DTNA: variants seen among roughly 807,000 people sequenced by gnomAD.
The protein encoded by DTNA is dystrophin-related protein 3.
In DTNA, 43 loss-of-function variants were observed where a neutral mutation model predicts 100.7. The ratio of observed to expected loss-of-function variants is 0.43; its 90% confidence interval spans 0.33 to 0.55. The LOEUF is 0.55. Ranked by LOEUF, DTNA falls within the 20% of genes least tolerant of loss-of-function variation. DTNA has a pLI of 0.04. For synonymous variants in DTNA, 349 were observed against 347.9 expected, an observed-to-expected ratio of 1.00 and a Z score of -0.04; for missense variants, 798 against 953.9, an observed-to-expected ratio of 0.84 and a Z score of 2.15.
At chr18:34,714,935 C>T (rs1270096351) in intron 1 of DTNA, among the ~76,000 whole-genome samples, 3 of 151,856 alleles carry the variant, frequency 2.0e-5, no homozygotes, top group Admixed American at 6.6e-5. Context: ...GAAATCATCA[C>T]TCTCAGTAAA....
At chr18:34,570,065 A>G (rs1158823512) in intron 1 of DTNA, among the ~76,000 whole-genome samples, 1 of 152,148 alleles carries the variant, frequency 6.6e-6, no homozygotes, top group Non-Finnish European at 1.5e-5. Flanking sequence ...GTCTTCTCTC[A>G]AGGAGACCTT....
chr18:34,770,095 TCC>T (rs1226382883), intron 3 of DTNA, among the ~76,000 whole-genome samples: 1 of 152,006 alleles, frequency 6.6e-6, no homozygotes, highest in Non-Finnish European at 1.5e-5. Context: ...CTGCTAAAAG[TCC>T]CCACCTGGTA....
intron 3 of DTNA, among the ~76,000 whole-genome samples, chr18:34,769,198 C>G (rs1178931501): frequency 6.6e-6 from 1 of 152,124 alleles, no homozygotes; most frequent in African/African-American, 2.4e-5. Context: ...TATGTCTTTG[C>G]AAAGTTTTCC....
chr18:34,856,031 T>A (rs1227730811), intron 15 of DTNA, among the ~76,000 whole-genome samples: 1 of 152,210 alleles, frequency 6.6e-6, no homozygotes, highest in Non-Finnish European at 1.5e-5. Context: ...CTCTTGCTGC[T>A]TGTTTCCTGG....
intron 1 of DTNA, among the ~76,000 whole-genome samples, chr18:34,538,644 T>A (rs751551019): frequency 2.0e-5 from 3 of 151,966 alleles, no homozygotes; most frequent in Non-Finnish European, 4.4e-5. Context: ...GTTGGGAGGG[T>A]TAAATTTGGT....
At chr18:34,746,193 G>T (rs1024858203) in intron 1 of DTNA, among the ~76,000 whole-genome samples, 4 of 148,260 alleles carry the variant, frequency 2.7e-5, no homozygotes, top group East Asian at 3.9e-4. Flanking sequence ...TTGGGGGGGG[G>T]ACTTTTTAAT....
intron 1 of DTNA, among the ~76,000 whole-genome samples, chr18:34,595,741 A>G (rs962399334): frequency 6.6e-6 from 1 of 152,196 alleles, no homozygotes. Flanking sequence ...ATAATTAAAG[A>G]TCGTAAGAGT....
At chr18:34,884,259 T>TG (rs1222904348) in intron 21 of DTNA, among the ~76,000 whole-genome samples, 1 of 152,196 alleles carries the variant, frequency 6.6e-6, no homozygotes, top group East Asian at 1.9e-4. Context: ...TTTTTTTTCT[T>TG]TAAGGGAGGC....
At chr18:34,862,641 GAA>G (rs1316604548) in intron 16 of DTNA, among the ~76,000 whole-genome samples, 2 of 151,056 alleles carry the variant, frequency 1.3e-5, no homozygotes, top group Non-Finnish European at 3.0e-5. Flanking sequence ...TCTTAAAAAA[GAA>G]AAAAAGATTA....
At position 34,860,143 on chromosome 18, in the gene DTNA, G is replaced by A. The variant is rs561538115; in HGVS notation, c.1646+1745G>A. Among the ~76,000 whole-genome samples the A allele has an allele frequency of 2.0e-5, 3 of 149,684 alleles. No homozygotes were observed. The South Asian group carries it at 6.5e-4, about 32-fold the overall frequency. ...CTCACTGCAACCTCTGCCCCTCCAG[G>A]TTAAAGCAATTCTCTGCCTCAGCCT... On this transcript the variant is annotated intron_variant, in intron 16 of 22. Transcript: ENST00000444659.
intron 1 of DTNA, among the ~76,000 whole-genome samples, chr18:34,660,289 A>C (rs896958611): frequency 6.6e-6 from 1 of 151,956 alleles, no homozygotes; most frequent in Non-Finnish European, 1.5e-5. Context: ...CGTGAGAGGA[A>C]GTGGGGGGTC....
intron 1 of DTNA, among the ~76,000 whole-genome samples, chr18:34,688,100 G>T (rs2079172815): frequency 6.6e-6 from 1 of 152,026 alleles, no homozygotes. Context: ...TATCCGATTT[G>T]CCAGTCTGTG....
At chr18:34,784,872 C>T (rs965352830) in intron 3 of DTNA, among the ~76,000 whole-genome samples, 1 of 151,942 alleles carries the variant, frequency 6.6e-6, no homozygotes, top group Non-Finnish European at 1.5e-5. Context: ...GGCAATCTTT[C>T]TCCATATGTT....
At chr18:34,604,989 A>G (rs1402048512) in intron 1 of DTNA, among the ~76,000 whole-genome samples, 1 of 151,464 alleles carries the variant, frequency 6.6e-6, no homozygotes, top group Non-Finnish European at 1.5e-5. Context: ...CATATATACC[A>G]ACTTAACTGG....
intron 1 of DTNA, among the ~76,000 whole-genome samples, chr18:34,690,827 A>G (rs2079642243): frequency 6.6e-6 from 1 of 152,208 alleles, no homozygotes; most frequent in African/African-American, 2.4e-5. Flanking sequence ...GCACAAAGCA[A>G]TGCTGGCTAA....
At position 34,889,309 on chromosome 18, in the gene DTNA, G is replaced by A; in HGVS notation, c.*1575G>A. 1.0e-6 allele frequency: 1 copy of A among 981,894 alleles called. No individual in the cohort carries two copies. The highest frequency in any genetic ancestry group is 1.2e-6 in the Non-Finnish European group (1 of 826,828). 60.8% of individuals were successfully genotyped at this position (981,894 alleles called of 1,614,324 possible). ...AGGAAGGTCTTCGAAATACTAATTT[G>A]TAAGCCCCACCTCAGGCCTACTGAA... On this transcript the variant is annotated 3_prime_UTR_variant, in exon 23 of 23. Transcript: ENST00000444659.
At chr18:34,620,661 C>T (rs548634127) in intron 1 of DTNA, among the ~76,000 whole-genome samples, 3 of 152,154 alleles carry the variant, frequency 2.0e-5, no homozygotes, top group Non-Finnish European at 4.4e-5. Context: ...GCACATCTCA[C>T]ATGCCCTGAG....
chr18:34,498,829 A>G (rs1333020049), intron 1 of DTNA, among the ~76,000 whole-genome samples: 3 of 152,376 alleles, frequency 2.0e-5, no homozygotes, highest in Non-Finnish European at 4.4e-5. Context: ...GTATGCAAAC[A>G]TATAAATCAT....
chr18:34,517,460 C>CAT (rs57616989), intron 1 of DTNA, among the ~76,000 whole-genome samples: 34 of 149,000 alleles, frequency 2.3e-4, no homozygotes, highest in Non-Finnish European at 4.0e-4. Context: ...TTTATATACA[C>CAT]GTGTGTGTGT....
Sources: allele counts gnomAD v4.1 joint callset (sites outside exome capture counted in the v4.1 genomes callset), GRCh38; gene constraint gnomAD v4.1.1; transcripts MANE v1.5; gene names NCBI Gene and HGNC (gene_info 2026-07-23, HGNC 2026-07-21).